Variants in THSD7B observed in about 807,000 individuals in gnomAD.
THSD7B encodes the protein thrombospondin type 1 domain containing 7B, also known as thrombospondin type-1 domain-containing protein 7B.
In THSD7B, 138 loss-of-function variants were observed where a neutral mutation model predicts 213.6. The observed-to-expected ratio is 0.65, with a 90% CI of 0.56 to 0.74. THSD7B has a LOEUF of 0.74. THSD7B is among the 30% of genes least tolerant of loss of function. The pLI is 0.00. For missense variants in THSD7B, 1,931 were observed against 1,991.5 expected (o/e 0.97, Z 0.58); for synonymous variants, 742 against 687.0 (o/e 1.08, Z -1.25).
chr2:137,179,932 C>G (rs1354560536), intron 7 of THSD7B, among the ~76,000 whole-genome samples: 1 of 152,120 alleles, frequency 6.6e-6, no homozygotes, highest in African/African-American at 2.4e-5. Context: ...CTCACTCCAA[C>G]TATTTTATGC....
chr2:136,818,587 A>G (rs35009137), intron 1 of THSD7B, among the ~76,000 whole-genome samples: 21,190 of 152,164 alleles, frequency 0.14, 2,211 homozygotes, highest in Non-Finnish European at 0.22. Flanking sequence ...TTTCTTAGAA[A>G]AGAGTGCTGA....
intron 7 of THSD7B, among the ~76,000 whole-genome samples, chr2:137,192,978 A>G (rs999842524): frequency 6.7e-6 from 1 of 149,682 alleles, no homozygotes; most frequent in South Asian, 2.1e-4. Flanking sequence ...GCGTATGTGT[A>G]TGTGTGTATG....
intron 12 of THSD7B, among the ~76,000 whole-genome samples, chr2:137,281,294 G>A (rs1683004531): frequency 6.6e-6 from 1 of 151,494 alleles, no homozygotes; most frequent in South Asian, 2.1e-4. Context: ...TGTTTTTCTG[G>A]GAAAAAAAAT....
chr2:136,899,690 G>T (rs953677341), intron 2 of THSD7B, among the ~76,000 whole-genome samples: 6 of 152,158 alleles, frequency 3.9e-5, no homozygotes, highest in African/African-American at 1.4e-4. Context: ...ATACATAACT[G>T]GGCATTCATG....
chr2:137,420,103 C>T (rs1686891384), intron 14 of THSD7B, among the ~76,000 whole-genome samples: 1 of 152,098 alleles, frequency 6.6e-6, no homozygotes, highest in Non-Finnish European at 1.5e-5. Context: ...TCCTCAGCAG[C>T]ATCTGTTATT....
intron 2 of THSD7B, among the ~76,000 whole-genome samples, chr2:136,906,283 A>T (rs1453215289): frequency 6.6e-6 from 1 of 152,180 alleles, no homozygotes; most frequent in Non-Finnish European, 1.5e-5. Flanking sequence ...ACCCAAAGCA[A>T]GTTCTGAATA....
chr2:137,037,694 A>C (rs1483135015), intron 2 of THSD7B, among the ~76,000 whole-genome samples: 1 of 152,192 alleles, frequency 6.6e-6, no homozygotes, highest in Non-Finnish European at 1.5e-5. Context: ...TTATTTGGCT[A>C]AAGTACTTTC....
At position 137,520,663 on chromosome 2, in the gene THSD7B, C is replaced by T. The variant is rs1558825564; in HGVS notation, c.3139-42558C>T. Among the ~76,000 whole-genome samples, 4 of 152,192 alleles carry T rather than the reference C, an allele frequency of 2.6e-5. No homozygotes were observed. In the South Asian group the frequency reaches 8.3e-4, roughly 31 times the overall value. On this transcript the variant is annotated intron_variant, in intron 15 of 27. Transcript: ENST00000409968. The stretch of plus-strand genomic sequence containing the variant: ...GAATGACAAGCTCTTCAATTGCTTT[C>T]TTTCTTTTTATCAGTCCATTCACTT...
chr2:137,429,173 G>A (rs981114874), intron 14 of THSD7B, among the ~76,000 whole-genome samples: 1 of 152,120 alleles, frequency 6.6e-6, no homozygotes, highest in Non-Finnish European at 1.5e-5. Context: ...GGAAGAATGG[G>A]GAGAAACTGC....
chr2:137,485,297 G>A (rs1217388945), intron 15 of THSD7B, among the ~76,000 whole-genome samples: 1 of 148,994 alleles, frequency 6.7e-6, no homozygotes, highest in Non-Finnish European at 1.5e-5. Flanking sequence ...CCCATTGCTT[G>A]TTTTTCTCAG....
chr2:136,797,140 TAGAG>T (rs773252240), intron 1 of THSD7B, among the ~76,000 whole-genome samples: 1 of 151,896 alleles, frequency 6.6e-6, no homozygotes, highest in Non-Finnish European at 1.5e-5. Context: ...TCAAGGACAA[TAGAG>T]AGACACTCCT....
intron 3 of THSD7B, among the ~76,000 whole-genome samples, chr2:137,087,153 T>A (rs572603045): frequency 6.6e-6 from 1 of 152,126 alleles, no homozygotes; most frequent in Non-Finnish European, 1.5e-5. Flanking sequence ...CAGAGCAATA[T>A]GTATAACAAA....
At chr2:137,216,400 C>T (rs1461565509) in intron 7 of THSD7B, among the ~76,000 whole-genome samples, 1 of 151,616 alleles carries the variant, frequency 6.6e-6, no homozygotes, top group East Asian at 2.0e-4. Flanking sequence ...AAATTTATCA[C>T]ACACGCTCTT....
At position 136,816,016 on chromosome 2, in the gene THSD7B, C is replaced by T. The variant is rs189975632; in HGVS notation, c.-36+50329C>T. Among the ~76,000 whole-genome samples, 493 of 152,286 alleles carry T rather than the reference C, an allele frequency of 3.2e-3. 2 individuals are homozygous for T. Among genetic ancestry groups the T allele is most frequent in the Non-Finnish European group, 3.4e-3 (233 of 68,024 alleles). On this transcript the variant is annotated intron_variant, in intron 1 of 27. Transcript: ENST00000409968. ...CCTCCTGCCTCAGTCTCCTGAGTAG[C>T]TGTGATCACATGTGTCAGTCACCAA...
chr2:137,323,308 G>A (rs1365017378), intron 12 of THSD7B, among the ~76,000 whole-genome samples: 1 of 152,150 alleles, frequency 6.6e-6, no homozygotes, highest in African/African-American at 2.4e-5. Context: ...CATGAGCAAG[G>A]AGACTGGTAG....
chr2:137,429,758 G>A (rs1029482595), intron 14 of THSD7B, among the ~76,000 whole-genome samples: 2 of 152,158 alleles, frequency 1.3e-5, no homozygotes, highest in African/African-American at 4.8e-5. Flanking sequence ...TAGGGTATAT[G>A]TAGGTGATAG....
At chr2:137,625,959 G>A (rs1049308040) in intron 20 of THSD7B, among the ~76,000 whole-genome samples, 33 of 152,272 alleles carry the variant, frequency 2.2e-4, no homozygotes, top group African/African-American at 7.2e-4. Context: ...TGCCCCTAAA[G>A]CTTATAGCTT....
intron 7 of THSD7B, among the ~76,000 whole-genome samples, chr2:137,207,873 T>C (rs1681018838): frequency 6.6e-6 from 1 of 152,084 alleles, no homozygotes; most frequent in African/African-American, 2.4e-5. Context: ...ATCACCTGAT[T>C]GGTTCTTCCT....
intron 17 of THSD7B, among the ~76,000 whole-genome samples, chr2:137,591,222 G>A (rs1210093831): frequency 5.3e-5 from 8 of 151,482 alleles, no homozygotes; most frequent in African/African-American, 1.7e-4. Context: ...AGGCATTTAA[G>A]GTATACATTT....
Sources: allele counts gnomAD v4.1 joint callset (sites outside exome capture counted in the v4.1 genomes callset), GRCh38; gene constraint gnomAD v4.1.1; transcripts MANE v1.5; gene names NCBI Gene and HGNC (gene_info 2026-07-23, HGNC 2026-07-21).